The following CRTC1 variants were observed in gnomAD, a reference collection of about 807,000 sequenced individuals.
The protein encoded by CRTC1 is CREB regulated transcription coactivator 1.
Under a neutral mutation model 66.1 loss-of-function variants are expected in CRTC1, and 18 were observed. The ratio of observed to expected loss-of-function variants is 0.27; its 90% confidence interval spans 0.19 to 0.40. The LOEUF is 0.40. Among genes scored for constraint, CRTC1 ranks in the 10% least tolerant of loss-of-function variants. The pLI, the probability that CRTC1 is intolerant of heterozygous loss-of-function variation, is 1.00. For missense variants in CRTC1, 669 were observed against 887.9 expected (o/e 0.75, Z 3.13); for synonymous variants, 416 against 398.8 (o/e 1.04, Z -0.51).
chr19:18,738,467 C>T (rs894335187), intron 1 of CRTC1, among the ~76,000 whole-genome samples: 4 of 152,230 alleles, frequency 2.6e-5, no homozygotes, highest in Admixed American at 6.5e-5. Context: ...CAGATGAGAC[C>T]GTCCTGGATT....
chr19:18,717,170 C>G (rs1568494270), intron 1 of CRTC1, among the ~76,000 whole-genome samples: 1 of 152,088 alleles, frequency 6.6e-6, no homozygotes, highest in Non-Finnish European at 1.5e-5. Context: ...GGGCTGGAGA[C>G]ATGAGTTTGG....
intron 1 of CRTC1, among the ~76,000 whole-genome samples, chr19:18,692,851 G>A (rs557367018): frequency 8.4e-4 from 127 of 151,582 alleles, no homozygotes; most frequent in African/African-American, 3.0e-3. Flanking sequence ...CGAGGCAGGC[G>A]GATCACAAGG....
At position 18,765,447 on chromosome 19, in the gene CRTC1, C is replaced by T. The variant is rs182595241; in HGVS notation, c.930C>T (p.Gly310=). ...CCTCTCCACAGCACCGCCCAGCTGG[C>T]GTCAGCCCCCTGTCCCTGAGCACAG... ...PGSSPQHRPA[G]VSPLSLSTEA... Residue 310 remains glycine, a synonymous_variant, in exon 9 of 14, where the codon GGC becomes GGT. Coordinates refer to ENST00000321949, the MANE Select transcript of CRTC1 (RefSeq NM_015321.3). 139 of 1,612,908 alleles carry T rather than the reference C, an allele frequency of 8.6e-5. No homozygotes were observed. Among genetic ancestry groups the T allele is most frequent in the African/African-American group, 1.7e-4 (13 of 75,040 alleles).
At chr19:18,690,622 T>C (rs1354728741) in intron 1 of CRTC1, among the ~76,000 whole-genome samples, 1 of 152,122 alleles carries the variant, frequency 6.6e-6, no homozygotes, top group Non-Finnish European at 1.5e-5. Flanking sequence ...AACCCGTGAA[T>C]TGGACCTTAG....
intron 1 of CRTC1, among the ~76,000 whole-genome samples, chr19:18,717,799 G>A (rs1310810569): frequency 1.3e-5 from 2 of 152,092 alleles, no homozygotes; most frequent in African/African-American, 4.8e-5. Context: ...GCCAGCCCTG[G>A]TCAAGGCAGC....
Position 18,691,352 on chromosome 19 carries a change from C to T in CRTC1, c.126+7524C>T, listed in dbSNP as rs542028610. Among the ~76,000 whole-genome samples the T allele has an allele frequency of 5.3e-4, 80 of 151,528 alleles. 1 individual carries two copies. Among genetic ancestry groups the T allele is most frequent in the Non-Finnish European group, 5.7e-4 (39 of 67,862 alleles). ...GCCACAAAGAGGGAACTCATCTCTA[C>T]GAAAAAAAATTGTTTTTTAATTAGC... On this transcript the variant is annotated intron_variant, in intron 1 of 13. Transcript: ENST00000321949.
chr19:18,736,389 AGT>A (rs747028805), intron 1 of CRTC1, among the ~76,000 whole-genome samples: 19 of 150,638 alleles, frequency 1.3e-4, no homozygotes, highest in Non-Finnish European at 2.4e-4. Flanking sequence ...GGCTGGAGAA[AGT>A]GTTCGCTCCC....
Position 18,780,502 on chromosome 19 carries a change from GTGTT to G in CRTC1, c.*3123_*3126del, listed in dbSNP as rs951497211. On this transcript the variant is annotated 3_prime_UTR_variant, in exon 14 of 14. Coordinates refer to ENST00000321949, the MANE Select transcript of CRTC1 (RefSeq NM_015321.3). The stretch of plus-strand genomic sequence containing the variant: ...TGGGGAGGAGAGTGTTGGCATCAGT[GTGTT>G]TGGCCTGATTTCTTCAGGGGGCCAA... 3 of 230,994 alleles carry G rather than the reference GTGTT, an allele frequency of 1.3e-5. No individual in the cohort carries two copies. The highest frequency in any genetic ancestry group is 5.6e-5 in the Admixed American group (1 of 17,708). The allele number at this position is 230,994 out of a possible 1,614,324, so 14.3% of individuals were successfully genotyped here. A position where few individuals can be genotyped will look rare whatever the true frequency, so the allele number is the denominator to read the frequency against.
At chr19:18,775,867 AG>A in intron 13 of CRTC1, 46 bp downstream of exon 13, 1 of 1,515,962 alleles carries the variant, frequency 6.6e-7, no homozygotes, top group Non-Finnish European at 8.8e-7. Flanking sequence ...AAGGGGCCTC[AG>A]CCCGTGCGGA....
intron 1 of CRTC1, among the ~76,000 whole-genome samples, chr19:18,709,448 G>C (rs1257903483): frequency 6.6e-6 from 1 of 152,210 alleles, no homozygotes; most frequent in Admixed American, 6.5e-5. Context: ...GACAGCTTCA[G>C]AGGGAGAAGC....
intron 6 of CRTC1, among the ~76,000 whole-genome samples, chr19:18,754,100 CAAA>C (rs35678786): frequency 1.5e-4 from 12 of 80,746 alleles, no homozygotes; most frequent in South Asian, 3.8e-4. Flanking sequence ...GACTCCATCT[CAAA>C]AAAAAAAAAA....
At chr19:18,774,784 C>A in intron 11 of CRTC1, 116 bp from the exon 12 acceptor site, 1 of 907,632 alleles carries the variant, frequency 1.1e-6, no homozygotes, top group Non-Finnish European at 1.7e-6. Flanking sequence ...TCATCATCAG[C>A]CTCCTGCCGT....
At chr19:18,747,138 C>CA in intron 4 of CRTC1, 24 bp downstream of exon 4, 2 of 918,110 alleles carry the variant, frequency 2.2e-6, no homozygotes, top group Non-Finnish European at 3.3e-6. Flanking sequence ...CACCCCCCCC[C>CA]CGCCCCCTTC....
Position 18,760,656 on chromosome 19 carries a change from A to C in CRTC1, c.886+428A>C, listed in dbSNP as rs901202890. Among the ~76,000 whole-genome samples the C allele has an allele frequency of 1.3e-5, 2 of 149,376 alleles. No individual in the cohort carries two copies. The highest frequency in any genetic ancestry group is 3.0e-5 in the Non-Finnish European group (2 of 67,302). ...CTACTTGTCACATCCCAGCACCACCACCCCCACCCGTCTCCAGCTCCACAC... is the reference window on the plus strand; with the variant it reads ...CTACTTGTCACATCCCAGCACCACCCCCCCCACCCGTCTCCAGCTCCACAC... On this transcript the variant is annotated intron_variant, in intron 8 of 13. Coordinates refer to ENST00000321949, the MANE Select transcript of CRTC1 (RefSeq NM_015321.3). The surrounding 1 kb of genome is among the most constrained non-coding windows in gnomAD (Gnocchi z 6.2).
chr19:18,692,875 A>T (rs1225682938), intron 1 of CRTC1, among the ~76,000 whole-genome samples: 3 of 151,410 alleles, frequency 2.0e-5, no homozygotes, highest in Non-Finnish European at 4.4e-5. Flanking sequence ...GGAGATAGAG[A>T]CTATCCTGGC....
rs1357251017 is a variant in CRTC1, at chr19:18,747,171, CTCA to C, written c.443+62_443+64del. On this transcript the variant is annotated intron_variant, in intron 4 of 13. Coordinates refer to ENST00000321949, the MANE Select transcript of CRTC1 (RefSeq NM_015321.3). ...TTCTTGTTGGAAACAAAACCAAACT[CTCA>C]TCATGGTTACATGTGGAAAAGCAGG... 4.0e-6 allele frequency: 5 copies of C among 1,234,740 alleles called. No homozygotes were observed. The African/African-American group carries it at 6.3e-5, about 16-fold the overall frequency. 76.5% of individuals were successfully genotyped at this position (1,234,740 alleles called of 1,614,324 possible).
At position 18,708,688 on chromosome 19, in the gene CRTC1, A is replaced by C. The variant is rs141597741; in HGVS notation, c.126+24860A>C. Among the ~76,000 whole-genome samples the C allele has an allele frequency of 3.7e-3, 558 of 152,274 alleles. 2 individuals are homozygous for C. The highest frequency in any genetic ancestry group is 0.01 in the Middle Eastern group (3 of 294). ...AAGTCCTCGGGGAGCCAAGTTTGAGAGGCAGACGGAGCGTGGGGACCGAGG... is the reference window on the plus strand; with the variant it reads ...AAGTCCTCGGGGAGCCAAGTTTGAGCGGCAGACGGAGCGTGGGGACCGAGG... On this transcript the variant is annotated intron_variant, in intron 1 of 13. Transcript: ENST00000321949.
At chr19:18,776,079 C>A (rs1157222548) in intron 13 of CRTC1, among the ~76,000 whole-genome samples, 1 of 152,174 alleles carries the variant, frequency 6.6e-6, no homozygotes, top group Non-Finnish European at 1.5e-5. Flanking sequence ...TCTCCCCTCT[C>A]GGCGGCCTCC....
rs1341181743 is a variant in CRTC1, at chr19:18,772,000, C to T, written c.1425+454C>T. On this transcript the variant is annotated intron_variant, in intron 11 of 13. Transcript: ENST00000321949. This position sits in a 1 kb window ranked among gnomAD's most constrained non-coding sequence, Gnocchi z 4.6. ...CCTGCTTTCCCCTTCACCCCATAGG[C>T]AGCTGTGTTTCTCCAGAACCACTGG... 6.6e-6 allele frequency among the ~76,000 whole-genome samples: 1 copy of T among 152,194 alleles called. No homozygotes were observed. Among genetic ancestry groups the T allele is most frequent in the Non-Finnish European group, 1.5e-5 (1 of 68,014 alleles).
Sources: gnomAD v4.1 joint callset for allele counts (sites outside exome capture counted in the v4.1 genomes callset) on GRCh38, gnomAD v4.1.1 for gene constraint, Gnocchi (gnomAD v3.1) non-coding constraint, MANE v1.5 for transcripts, NCBI Gene and HGNC (gene_info 2026-07-23, HGNC 2026-07-21) for gene names.